The following CDCP1 variants were observed in gnomAD, a reference collection of about 807,000 sequenced individuals.
CDCP1 encodes CUB domain-containing protein 1.
In CDCP1, 29 loss-of-function variants were observed where a neutral mutation model predicts 60.2. The observed-to-expected ratio is 0.48, with a 90% confidence interval of 0.36 to 0.66. The LOEUF is 0.66. Ranked by LOEUF, CDCP1 falls within the 30% of genes least tolerant of loss-of-function variation. The pLI is 0.00. For synonymous variants in CDCP1, 387 were observed against 431.1 expected, an observed-to-expected ratio of 0.90 and a Z score of 1.27; for missense variants, 876 against 1,074.3, an observed-to-expected ratio of 0.82 and a Z score of 2.58.
chr3:45,117,309 T>C (rs1698809617), intron 2 of CDCP1, among the ~76,000 whole-genome samples: 2 of 152,228 alleles, frequency 1.3e-5, no homozygotes, highest in African/African-American at 4.8e-5. Context: ...TTATGAATAA[T>C]AAAACCAAAT....
At chr3:45,110,980 T>C (rs1417772057) in intron 3 of CDCP1, 139 bp from the exon 4 acceptor site, 1 of 962,390 alleles carries the variant, frequency 1.0e-6, no homozygotes, top group Non-Finnish European at 1.5e-6. Context: ...ATACTGTATA[T>C]TTGGACTCAA....
chr3:45,132,100 G>C (rs996628622), intron 1 of CDCP1, among the ~76,000 whole-genome samples: 1 of 152,100 alleles, frequency 6.6e-6, no homozygotes, highest in Admixed American at 6.6e-5. Flanking sequence ...AGCAGGCGTG[G>C]TGGCACATGC....
intron 4 of CDCP1, among the ~76,000 whole-genome samples, chr3:45,096,647 AGAG>A (rs892299364): frequency 6.7e-6 from 1 of 148,766 alleles, no homozygotes; most frequent in African/African-American, 2.5e-5. Context: ...AAAAAAAAAA[AGAG>A]GGAGATTTGA....
At chr3:45,142,031 C>A (rs1315777194) in intron 1 of CDCP1, among the ~76,000 whole-genome samples, 1 of 152,092 alleles carries the variant, frequency 6.6e-6, no homozygotes, top group African/African-American at 2.4e-5. Context: ...CGGTGTTTTG[C>A]CATGTTGGCC....
intron 4 of CDCP1, among the ~76,000 whole-genome samples, chr3:45,105,204 C>A (rs1051174290): frequency 6.6e-6 from 1 of 152,130 alleles, no homozygotes; most frequent in African/African-American, 2.4e-5. Context: ...TTCATAAAGG[C>A]CCCTAATCAT....
At chr3:45,102,653 AAAAAAG>A (rs1559390356) in intron 4 of CDCP1, among the ~76,000 whole-genome samples, 7 of 150,974 alleles carry the variant, frequency 4.6e-5, no homozygotes, top group African/African-American at 1.7e-4. Context: ...AAAAAAAAAA[AAAAAAG>A]AAAAAGAAAA....
intron 1 of CDCP1, among the ~76,000 whole-genome samples, chr3:45,120,746 A>T (rs1698868158): frequency 6.6e-6 from 1 of 152,046 alleles, no homozygotes; most frequent in Non-Finnish European, 1.5e-5. Flanking sequence ...TTCTTTCTTG[A>T]ACACACCAAC....
rs373586286 is a variant in CDCP1 at position 45,089,076 on chromosome 3, T to C, written c.2059A>G (p.Ile687Val). 8.7e-6 allele frequency: 14 copies of C among 1,613,930 alleles called. No individual in the cohort carries two copies. Among genetic ancestry groups the C allele is most frequent in the Non-Finnish European group, 1.2e-5 (14 of 1,179,974 alleles). The change falls in exon 8 of 9, where the codon ATC becomes GTC. Residue 687 changes from isoleucine to valine, a missense_variant. Coordinates refer to ENST00000296129, the MANE Select transcript of CDCP1 (RefSeq NM_022842.5). The stretch of plus-strand genomic sequence containing the variant: ...TACTTCTTTTTCACACAGCAAATGA[T>C]GAGCCCGAGGGCAGACAGCAGTAAG... ...GVLLLSALGL[I>V]ICCVKKKKKK...
chr3:45,095,708 T>C, intron 4 of CDCP1, 140 bp from the exon 5 acceptor site: 1 of 645,722 alleles, frequency 1.5e-6, no homozygotes, highest in Non-Finnish European at 2.7e-6. Context: ...AAACGTATTA[T>C]TAAGGCAACA....
intron 1 of CDCP1, among the ~76,000 whole-genome samples, chr3:45,134,184 G>C (rs916324737): frequency 2.0e-5 from 3 of 151,790 alleles, no homozygotes; most frequent in Admixed American, 2.0e-4. Context: ...CAGTGCAGTG[G>C]TGCGATCTAT....
In CDCP1 at chr3:45,130,959, C is replaced by T. The variant is rs190634758; in HGVS notation, c.83-12338G>A. ...ACAGCTCACTGCAGCCTTGACCTCC[C>T]GGGCTCACGCAATCCGCCCACCTCA... On this transcript the variant is annotated intron_variant, in intron 1 of 8. Transcript: ENST00000296129. Among the ~76,000 whole-genome samples, 544 of 152,208 alleles carry T rather than the reference C, an allele frequency of 3.6e-3. 4 individuals carry two copies. Among genetic ancestry groups the T allele is most frequent in the African/African-American group, 0.013 (523 of 41,538 alleles).
rs1698674071 is a variant in CDCP1 at position 45,110,690 on chromosome 3, G to A, written c.807C>T (p.Phe269=). 1 of 1,614,082 alleles carries A rather than the reference G, an allele frequency of 6.2e-7. No individual in the cohort carries two copies. Among genetic ancestry groups the A allele is most frequent in the Non-Finnish European group, 8.5e-7 (1 of 1,180,058 alleles). ...HLRASVSFLN[F]NLSNCERKEE... ...CCTTCCTCTCACAGTTGGAGAGGTTGAAGTTGAGGAAGGAGACGCTGGCCC... is the reference window on the plus strand; with the variant it reads ...CCTTCCTCTCACAGTTGGAGAGGTTAAAGTTGAGGAAGGAGACGCTGGCCC... The change falls in exon 4 of 9, where the codon TTC becomes TTT. Residue 269 remains phenylalanine, a synonymous_variant. Coordinates refer to ENST00000296129, the MANE Select transcript of CDCP1 (RefSeq NM_022842.5).
chr3:45,085,905 C>T lies in CDCP1; in HGVS notation c.2244G>A (p.Gln748=). Residue 748 remains glutamine (Q), a synonymous_variant, in exon 9 of 9, where the codon CAG becomes CAA. Coordinates refer to ENST00000296129, the MANE Select transcript of CDCP1 (RefSeq NM_022842.5). This position sits in a 1 kb window ranked among gnomAD's most constrained non-coding sequence, Gnocchi z 4.2. The part of the protein sequence containing the change: ...EDTMVYGHLL[Q]DSSGSFLQPE... ...GCTGCAGGAAGGAGCCGCTGGAATC[C>T]TGTAGCAGATGCCCATATACCATGG... 1 of 1,614,216 alleles carries T rather than the reference C, an allele frequency of 6.2e-7. No individual in the cohort carries two copies. The highest frequency in any genetic ancestry group is 8.5e-7 in the Non-Finnish European group (1 of 1,180,038).
At chr3:45,087,355 G>A (rs1050379799) in intron 8 of CDCP1, among the ~76,000 whole-genome samples, 3 of 152,166 alleles carry the variant, frequency 2.0e-5, no homozygotes, top group Non-Finnish European at 4.4e-5. Flanking sequence ...AGCAAGGCCT[G>A]TAGCAAGGCT....
chr3:45,101,867 CA>C (rs1698489703), intron 4 of CDCP1, among the ~76,000 whole-genome samples: 1 of 112,234 alleles, frequency 8.9e-6, no homozygotes, highest in African/African-American at 3.4e-5. Flanking sequence ...GCCTGGGCAA[CA>C]AGAGTGAAAC....
chr3:45,142,930 C>T (rs772695403), intron 1 of CDCP1, among the ~76,000 whole-genome samples: 19 of 152,210 alleles, frequency 1.2e-4, no homozygotes, highest in Non-Finnish European at 2.6e-4. Context: ...AACATGGGCG[C>T]GGTGGCTCAC....
intron 4 of CDCP1, among the ~76,000 whole-genome samples, chr3:45,098,775 T>A (rs918014927): frequency 1.3e-5 from 2 of 152,224 alleles, no homozygotes; most frequent in Non-Finnish European, 2.9e-5. Flanking sequence ...AGCTACACTA[T>A]ATTGCATGCT....
chr3:45,096,146 A>T (rs942438332), intron 4 of CDCP1, among the ~76,000 whole-genome samples: 4 of 152,230 alleles, frequency 2.6e-5, no homozygotes, highest in South Asian at 2.1e-4. Flanking sequence ...ACACCCTGTT[A>T]CAGAAACATG....
chr3:45,116,845 T>C (rs886516830), intron 2 of CDCP1, among the ~76,000 whole-genome samples: 4 of 152,250 alleles, frequency 2.6e-5, no homozygotes, highest in Non-Finnish European at 4.4e-5. Context: ...CATTAAATTT[T>C]CTTTGAAAAT....
Sources: gnomAD v4.1 joint callset for allele counts (sites outside exome capture counted in the v4.1 genomes callset) on GRCh38, gnomAD v4.1.1 for gene constraint, Gnocchi (gnomAD v3.1) non-coding constraint, MANE v1.5 for transcripts, NCBI Gene and HGNC (gene_info 2026-07-23, HGNC 2026-07-21) for gene names.